LGALS9B: variants seen among roughly 807,000 people sequenced by gnomAD.
LGALS9B encodes the protein galectin 9B.
A neutral mutation model predicts 35.9 loss-of-function variants in LGALS9B; 8 were observed. That is an observed-to-expected ratio of 0.22 (90% CI 0.13 to 0.40). The LOEUF is 0.40. LGALS9B is among the 10% of genes least tolerant of loss of function. The pLI is 1.00. For missense variants in LGALS9B, 101 were observed against 397.9 expected (o/e 0.25, Z 6.35); for synonymous variants, 42 against 148.6 (o/e 0.28, Z 5.22).
intron 1 of LGALS9B, among the ~76,000 whole-genome samples, chr17:20,461,692 AT>A (rs1474363981): frequency 1.2e-5 from 1 of 85,932 alleles, no homozygotes; most frequent in Non-Finnish European, 2.5e-5. Flanking sequence ...CACACGCCTC[AT>A]CTAAAAAGTC....
Position 20,451,643 on chromosome 17 carries a change from C to A in LGALS9B, c.762G>T (p.Arg254Ser). 1.3e-6 allele frequency: 2 copies of A among 1,599,964 alleles called. No individual in the cohort carries two copies. The highest frequency in any genetic ancestry group is 1.7e-6 in the Non-Finnish European group (2 of 1,173,014). ...LSGTVLPSAQ[R>S]FHINLCSGSH... ...TCCCAGAGCACAGGTTGATGTGGAACCTGCGGTGGGCAGCCTACCTGGACC... is the reference window on the plus strand; with the variant it reads ...TCCCAGAGCACAGGTTGATGTGGAAACTGCGGTGGGCAGCCTACCTGGACC... Residue 254 changes from arginine to serine, a missense_variant and splice_region_variant, in exon 10 of 11, where the codon AGG becomes AGT. Physicochemically the swap from Arg to Ser is moderately radical, Grantham distance 110. Coordinates refer to ENST00000423676, the MANE Select transcript of LGALS9B (RefSeq NM_001367292.2).
intron 1 of LGALS9B, among the ~76,000 whole-genome samples, chr17:20,461,141 C>G (rs1179434173): frequency 6.7e-6 from 1 of 149,782 alleles, no homozygotes; most frequent in Non-Finnish European, 1.5e-5. Flanking sequence ...TTCTCTCTTC[C>G]GCGCCTCTTT....
Position 20,464,095 on chromosome 17 carries a change from T to TTG in LGALS9B, c.39+3336_39+3337insCA, listed in dbSNP as rs1472103257. Among the ~76,000 whole-genome samples the TTG allele has an allele frequency of 2.1e-3, 179 of 85,194 alleles. 3 individuals are homozygous for TTG. Among genetic ancestry groups the TTG allele is most frequent in the East Asian group, 3.3e-3 (8 of 2,400 alleles). The allele number at this position is 85,194 out of a possible 152,430, so 55.9% of individuals were successfully genotyped here. The stretch of plus-strand genomic sequence containing the variant: ...GGTTTTGTTTGTTTGTTTGTTGTGT[T>TTG]TTTTTTTTTTTTTTTTTTTTGAGAC... On this transcript the variant is annotated intron_variant, in intron 1 of 10. Transcript: ENST00000423676.
Position 20,467,202 on chromosome 17 carries a change from C to T in LGALS9B, c.39+230G>A, listed in dbSNP as rs568318940. 3.9e-4 allele frequency among the ~76,000 whole-genome samples: 57 copies of T among 144,710 alleles called. 4 individuals carry two copies. The highest frequency in any genetic ancestry group is 1.0e-3 in the African/African-American group (38 of 38,104). The allele number at this position is 144,710 out of a possible 152,430, so 94.9% of individuals were successfully genotyped here. On this transcript the variant is annotated intron_variant, in intron 1 of 10. Transcript: ENST00000423676. ...CACAGGACAGGACACGACAGCTCAG[C>T]CAACACTGTCAAACCCATGATTCAT...
At chr17:20,450,320 TC>T (rs941316121) in intron 10 of LGALS9B, among the ~76,000 whole-genome samples, 1 of 140,264 alleles carries the variant, frequency 7.1e-6, no homozygotes, top group Admixed American at 7.4e-5. Flanking sequence ...AGAATACTGT[TC>T]CCACGACATC....
intron 5 of LGALS9B, 48 bp downstream of exon 5, chr17:20,455,242 TCAAACCCTCGGTC>T: frequency 9.4e-7 from 1 of 1,058,896 alleles, no homozygotes; most frequent in Admixed American, 3.0e-5. Context: ...GGCCAGCCTC[TCAAACCCTCGGTC>T]CTTCCTGCTG....
chr17:20,464,828 C>T (rs527857311), intron 1 of LGALS9B, among the ~76,000 whole-genome samples: 2 of 152,170 alleles, frequency 1.3e-5, no homozygotes, highest in South Asian at 2.1e-4. Context: ...TAACACCACC[C>T]GACAGTGTTC....
chr17:20,467,334 C>G (rs2042769953), intron 1 of LGALS9B, 98 bp downstream of exon 1: 2 of 1,114,758 alleles, frequency 1.8e-6, no homozygotes, highest in Non-Finnish European at 2.6e-6. Context: ...GGGATGCCCC[C>G]ACCCCTGTCT....
In LGALS9B at chr17:20,450,469, G is replaced by A. The variant is rs1682188; in HGVS notation, c.925-350C>T. 9.1e-3 allele frequency among the ~76,000 whole-genome samples: 718 copies of A among 78,784 alleles called. 5 individuals are homozygous for A. Among genetic ancestry groups the A allele is most frequent in the Non-Finnish European group, 0.015 (495 of 32,512 alleles). The allele number at this position is 78,784 out of a possible 152,430, so 51.7% of individuals were successfully genotyped here. ...ATGCCTTCTCCATGAGGCAGTCAGGGTACAAATGTTAAAACCTCCTGCCCT... is the reference window on the plus strand; with the variant it reads ...ATGCCTTCTCCATGAGGCAGTCAGGATACAAATGTTAAAACCTCCTGCCCT... On this transcript the variant is annotated intron_variant, in intron 10 of 10. Transcript: ENST00000423676.
In LGALS9B at chr17:20,449,514, T is replaced by C; in HGVS notation, c.*459A>G. On this transcript the variant is annotated 3_prime_UTR_variant, in exon 11 of 11. Transcript: ENST00000423676. Reference sequence around the variant, plus strand: ...GCCAGTGGGAAGCCATCAGACCTGCTTTCCAGGAGGGGTGAAGGGTTGGTG... The same window carrying C: ...GCCAGTGGGAAGCCATCAGACCTGCCTTCCAGGAGGGGTGAAGGGTTGGTG... The C allele has an allele frequency of 5.1e-6, 1 of 195,974 alleles. No individual in the cohort carries two copies. The highest frequency in any genetic ancestry group is 9.8e-5 in the South Asian group (1 of 10,196). The allele number at this position is 195,974 out of a possible 1,614,324, so 12.1% of individuals were successfully genotyped here. A position where few individuals can be genotyped will look rare whatever the true frequency, so the allele number is the denominator to read the frequency against.
chr17:20,451,032 C>T (rs1354442300), intron 10 of LGALS9B, among the ~76,000 whole-genome samples: 1 of 151,470 alleles, frequency 6.6e-6, no homozygotes, highest in East Asian at 1.9e-4. Context: ...TCTGTTCATG[C>T]TTTAGTTTCC....
At chr17:20,451,150 G>T (rs1474025664) in intron 10 of LGALS9B, among the ~76,000 whole-genome samples, 1 of 151,158 alleles carries the variant, frequency 6.6e-6, no homozygotes, top group African/African-American at 2.4e-5. Flanking sequence ...CAAAGCGGGC[G>T]ACAGTGAAAT....
intron 10 of LGALS9B, among the ~76,000 whole-genome samples, chr17:20,450,558 G>T (rs1355008854): frequency 9.7e-6 from 1 of 103,292 alleles, no homozygotes; most frequent in East Asian, 2.0e-4. Flanking sequence ...GCGTGCTACA[G>T]ATACTGCCTC....
intron 1 of LGALS9B, among the ~76,000 whole-genome samples, chr17:20,466,184 C>T (rs2042761579): frequency 6.6e-6 from 1 of 151,842 alleles, no homozygotes; most frequent in African/African-American, 2.4e-5. Flanking sequence ...CCCGTTCCAG[C>T]TTCCCCCACT....
At chr17:20,452,939 C>G in intron 7 of LGALS9B, 78 bp downstream of exon 7, 1 of 1,173,472 alleles carries the variant, frequency 8.5e-7, no homozygotes, top group South Asian at 1.2e-5. Context: ...CTTCCCAACT[C>G]TAGGGCTCTA....
chr17:20,463,169 A>AT (rs1477429531), intron 1 of LGALS9B, among the ~76,000 whole-genome samples: 2 of 143,348 alleles, frequency 1.4e-5, no homozygotes, highest in Admixed American at 1.4e-4. Flanking sequence ...TTATTTTATT[A>AT]TTTATTTTAT....
chr17:20,451,952 G>A lies in LGALS9B; in HGVS notation c.673-69C>T. On this transcript the variant is annotated intron_variant, in intron 8 of 10. Transcript: ENST00000423676. ...AGCCGCCACATGGAAGGGGAAGATT[G>A]TACCATTTCCCATGAATTTAGGCTG... 3.7e-6 allele frequency: 5 copies of A among 1,351,436 alleles called. 1 individual carries two copies. The South Asian group carries it at 4.8e-5, about 13-fold the overall frequency. The allele number at this position is 1,351,436 out of a possible 1,614,324, so 83.7% of individuals were successfully genotyped here. A position where few individuals can be genotyped will look rare whatever the true frequency, so the allele number is the denominator to read the frequency against.
chr17:20,454,122 T>A (rs1441468147), intron 5 of LGALS9B, among the ~76,000 whole-genome samples: 1 of 129,114 alleles, frequency 7.7e-6, no homozygotes. Context: ...TCTGTCTGAC[T>A]GCATCCAGCA....
At chr17:20,454,496 C>A (rs960434557) in intron 5 of LGALS9B, among the ~76,000 whole-genome samples, 2 of 152,060 alleles carry the variant, frequency 1.3e-5, no homozygotes, top group African/African-American at 4.8e-5. Context: ...ATGAACGACC[C>A]ACAGTCCCAG....
Sources: allele counts gnomAD v4.1 joint callset (sites outside exome capture counted in the v4.1 genomes callset), GRCh38; gene constraint gnomAD v4.1.1; transcripts MANE v1.5; gene names NCBI Gene and HGNC (gene_info 2026-07-23, HGNC 2026-07-21).